Variants in IGSF10 observed in about 807,000 individuals in gnomAD.
IGSF10 encodes the protein calvaria mechanical force protein 608.
Under a neutral mutation model 128.2 loss-of-function variants are expected in IGSF10, and 126 were observed. That is an observed-to-expected ratio of 0.98 (90% CI 0.85 to 1.14). IGSF10 has a LOEUF of 1.14. Ranked by LOEUF, IGSF10 falls within the 50% of genes most tolerant of loss-of-function variation. IGSF10 has a pLI of 0.00. For synonymous variants in IGSF10, 1,185 were observed against 1,146.2 expected (o/e 1.03, Z -0.68); for missense variants, 3,295 against 3,149.8 (o/e 1.05, Z -1.10).
At chr3:151,595,796 A>G in the IGSF10 span, among the ~76,000 whole-genome samples, 2 of 151,130 alleles carry the variant, frequency 1.3e-5, no homozygotes, top group African/African-American at 4.8e-5. Flanking sequence ...AAGGAGAAGG[A>G]GAAGGAGGAG....
At chr3:151,572,111 A>C in the IGSF10 span, among the ~76,000 whole-genome samples, 1 of 152,166 alleles carries the variant, frequency 6.6e-6, no homozygotes, top group East Asian at 1.9e-4. Context: ...GTGCTGCTGG[A>C]TTCGGTTTGC....
At chr3:151,514,220 T>C in the IGSF10 span, among the ~76,000 whole-genome samples, 1 of 152,004 alleles carries the variant, frequency 6.6e-6, no homozygotes, top group African/African-American at 2.4e-5. Flanking sequence ...GACTTCAAAC[T>C]ATACTACAAG....
chr3:151,481,564 G>A, the IGSF10 span, among the ~76,000 whole-genome samples: 2 of 152,130 alleles, frequency 1.3e-5, no homozygotes, highest in African/African-American at 4.8e-5. Flanking sequence ...AAACTTGGGT[G>A]TATCTCAGAG....
Position 151,437,556 on chromosome 3 carries a change from TCTC to T in IGSF10, c.7002_7004del (p.Arg2336del). ...TAAATGGATTTCTAAATGTCGGTCT[TCTC>T]AGCATTTCCAGTACTTCTAACTGTA... On this transcript the variant is annotated inframe_deletion, in exon 8 of 8. Transcript: ENST00000282466. The T allele has an allele frequency of 6.2e-7, 1 of 1,614,232 alleles. No homozygotes were observed. The highest frequency in any genetic ancestry group is 1.1e-5 in the South Asian group (1 of 91,086).
chr3:151,526,866 G>A, the IGSF10 span, among the ~76,000 whole-genome samples: 1 of 152,170 alleles, frequency 6.6e-6, no homozygotes, highest in Non-Finnish European at 1.5e-5. Context: ...TGGGCAGAAT[G>A]TGTGCACACT....
the IGSF10 span, among the ~76,000 whole-genome samples, chr3:151,527,330 C>T: frequency 6.6e-6 from 1 of 152,128 alleles, no homozygotes; most frequent in Admixed American, 6.5e-5. Context: ...AAGCAATTCC[C>T]TCATCAAAAC....
chr3:151,539,556 C>T, the IGSF10 span, among the ~76,000 whole-genome samples: 11 of 152,052 alleles, frequency 7.2e-5, no homozygotes, highest in South Asian at 2.1e-4. Flanking sequence ...AAGCAGAGTA[C>T]ATATTTTCCC....
At position 151,449,218 on chromosome 3, in the gene IGSF10, A is replaced by C; in HGVS notation, c.763T>G (p.Cys255Gly). The change falls in exon 6 of 8, where the codon TGT (cysteine) becomes GGT (glycine). Residue 255 changes from cysteine to glycine, a missense_variant. Coordinates refer to ENST00000282466, the MANE Select transcript of IGSF10 (RefSeq NM_178822.5). Reference protein sequence around the residue: ...KDRSPSSAQQCPLCMNPRTSK... With the variant: ...KDRSPSSAQQGPLCMNPRTSK... ...GTCCTAGGGTTCATGCAAAGTGGACACTGCTGAGCACTAGAGGGACTTCTA... is the reference window on the plus strand; with the variant it reads ...GTCCTAGGGTTCATGCAAAGTGGACCCTGCTGAGCACTAGAGGGACTTCTA... The C allele has an allele frequency of 6.2e-7, 1 of 1,610,608 alleles. No homozygotes were observed.
At chr3:151,597,842 G>T in the IGSF10 span, among the ~76,000 whole-genome samples, 1 of 151,890 alleles carries the variant, frequency 6.6e-6, no homozygotes, top group Non-Finnish European at 1.5e-5. Context: ...CCTTGAACCC[G>T]GGAGGCGGAG....
At chr3:151,546,109 C>G in the IGSF10 span, among the ~76,000 whole-genome samples, 1 of 151,420 alleles carries the variant, frequency 6.6e-6, no homozygotes, top group African/African-American at 2.4e-5. Flanking sequence ...CTGAACCCAG[C>G]TTTAGTGCAG....
the IGSF10 span, among the ~76,000 whole-genome samples, chr3:151,560,202 A>C: frequency 6.6e-6 from 1 of 152,208 alleles, no homozygotes; most frequent in African/African-American, 2.4e-5. Context: ...TTTTATCTAT[A>C]AAGGAAATTT....
chr3:151,439,475 A>G (rs770458125), intron 7 of IGSF10, among the ~76,000 whole-genome samples: 8 of 152,196 alleles, frequency 5.3e-5, no homozygotes, highest in Admixed American at 1.3e-4. Context: ...TTAGCTGAGC[A>G]TGATGGCACA....
chr3:151,528,788 C>A, the IGSF10 span, among the ~76,000 whole-genome samples: 136 of 137,972 alleles, frequency 9.9e-4, 2 homozygotes, highest in East Asian at 0.014. Flanking sequence ...AGACACTGAG[C>A]TAGCTGCAGG....
chr3:151,609,499 A>G, the IGSF10 span, among the ~76,000 whole-genome samples: 2 of 151,934 alleles, frequency 1.3e-5, no homozygotes, highest in Non-Finnish European at 2.9e-5. Flanking sequence ...CTCAGTATAT[A>G]CCCAAAGGAA....
At chr3:151,496,183 T>G in the IGSF10 span, among the ~76,000 whole-genome samples, 1 of 149,588 alleles carries the variant, frequency 6.7e-6, no homozygotes, top group South Asian at 2.2e-4. Context: ...ACACGGCTTT[T>G]GTCAGAAGCT....
the IGSF10 span, among the ~76,000 whole-genome samples, chr3:151,533,816 A>C: frequency 2.0e-5 from 3 of 152,220 alleles, no homozygotes; most frequent in Non-Finnish European, 4.4e-5. Flanking sequence ...GATCTAATTA[A>C]ACTAATAAGC....
chr3:151,519,386 C>G, the IGSF10 span, among the ~76,000 whole-genome samples: 1 of 151,840 alleles, frequency 6.6e-6, no homozygotes, highest in Non-Finnish European at 1.5e-5. Flanking sequence ...ACCACTGTCT[C>G]TTTCCAATCC....
the IGSF10 span, among the ~76,000 whole-genome samples, chr3:151,518,027 A>G: frequency 6.6e-6 from 1 of 151,944 alleles, no homozygotes; most frequent in East Asian, 1.9e-4. Context: ...TCAATGACTA[A>G]TCACTCTCTC....
the IGSF10 span, among the ~76,000 whole-genome samples, chr3:151,488,995 A>T: frequency 6.6e-6 from 1 of 152,098 alleles, no homozygotes; most frequent in African/African-American, 2.4e-5. Context: ...AAACTAAAGA[A>T]CTTCTGCGCA....
Sources: allele counts gnomAD v4.1 joint callset (sites outside exome capture counted in the v4.1 genomes callset), GRCh38; gene constraint gnomAD v4.1.1; transcripts MANE v1.5; gene names NCBI Gene and HGNC (gene_info 2026-07-23, HGNC 2026-07-21).